EPHA3: variants seen among roughly 807,000 people sequenced by gnomAD.
EPHA3 encodes ephrin type-A receptor 3.
A neutral mutation model predicts 107.1 loss-of-function variants in EPHA3; 42 were observed. The observed-to-expected ratio is 0.39, with a 90% CI of 0.31 to 0.51. The LOEUF (loss-of-function observed/expected upper bound fraction) is 0.51. EPHA3 is among the 20% of genes least tolerant of loss of function. The probability of loss-of-function intolerance (pLI) is 0.78; values close to 1 mark genes in which losing one functional copy is unlikely to be tolerated. For missense variants in EPHA3, 1,183 were observed against 1,211.2 expected (o/e 0.98, Z 0.35); for synonymous variants, 461 against 424.8 (o/e 1.09, Z -1.05).
intron 2 of EPHA3, among the ~76,000 whole-genome samples, chr3:89,204,440 T>C (rs1173928978): frequency 1.3e-5 from 2 of 151,896 alleles, no homozygotes; most frequent in African/African-American, 4.8e-5. Flanking sequence ...TCTGTCTTCC[T>C]GACTCCTCGG....
intron 3 of EPHA3, among the ~76,000 whole-genome samples, chr3:89,316,505 AATATATATATAT>A (rs58576798): frequency 2.1e-4 from 22 of 104,134 alleles, no homozygotes; most frequent in Admixed American, 7.8e-4. Context: ...GTGTGTGTGT[AATATATATATAT>A]ATATATATAT....
intron 5 of EPHA3, among the ~76,000 whole-genome samples, chr3:89,351,344 A>T (rs1707813184): frequency 2.0e-5 from 3 of 151,250 alleles, no homozygotes; most frequent in Admixed American, 1.3e-4. Flanking sequence ...AGCCGGTCTG[A>T]AAAGCGCAAT....
chr3:89,224,810 C>G (rs1457011619), intron 3 of EPHA3, among the ~76,000 whole-genome samples: 1 of 151,852 alleles, frequency 6.6e-6, no homozygotes, highest in African/African-American at 2.4e-5. Context: ...GATCATGTCG[C>G]TGCACTCCAG....
At chr3:89,152,908 G>A (rs1704719588) in intron 2 of EPHA3, among the ~76,000 whole-genome samples, 2 of 151,916 alleles carry the variant, frequency 1.3e-5, no homozygotes. Flanking sequence ...AATCACCCAA[G>A]GCTCAGTTTG....
At chr3:89,125,023 A>G (rs1172093568) in intron 1 of EPHA3, among the ~76,000 whole-genome samples, 1 of 151,900 alleles carries the variant, frequency 6.6e-6, no homozygotes, top group Non-Finnish European at 1.5e-5. Context: ...GTAGTTCATT[A>G]GTTGACAACC....
chr3:89,119,160 A>G (rs940648260), intron 1 of EPHA3, among the ~76,000 whole-genome samples: 2 of 152,140 alleles, frequency 1.3e-5, no homozygotes, highest in African/African-American at 4.8e-5. Flanking sequence ...AATATTCAGA[A>G]ATAGTTCTTG....
intron 2 of EPHA3, among the ~76,000 whole-genome samples, chr3:89,131,716 T>C (rs1341862209): frequency 1.3e-5 from 2 of 152,148 alleles, no homozygotes; most frequent in Non-Finnish European, 2.9e-5. Flanking sequence ...ATGAGTAATA[T>C]ATGTTTGTGG....
At chr3:89,370,681 A>G (rs1271782278) in intron 5 of EPHA3, among the ~76,000 whole-genome samples, 2 of 151,726 alleles carry the variant, frequency 1.3e-5, no homozygotes, top group African/African-American at 4.8e-5. Context: ...ATAACAAAAT[A>G]CATTAGTTGT....
chr3:89,280,706 C>G (rs1333215410), intron 3 of EPHA3, among the ~76,000 whole-genome samples: 1 of 151,986 alleles, frequency 6.6e-6, no homozygotes, highest in Non-Finnish European at 1.5e-5. Flanking sequence ...CAAGGATGTA[C>G]CACCTAGGAA....
chr3:89,448,652 T>C (rs1257780909), intron 13 of EPHA3, among the ~76,000 whole-genome samples: 3 of 152,158 alleles, frequency 2.0e-5, no homozygotes, highest in African/African-American at 4.8e-5. Context: ...CAATGACTAA[T>C]GATGAAGCAC....
intron 2 of EPHA3, among the ~76,000 whole-genome samples, chr3:89,164,472 A>G (rs758336946): frequency 2.6e-5 from 4 of 152,158 alleles, no homozygotes; most frequent in Non-Finnish European, 4.4e-5. Flanking sequence ...TTCTTGGAAG[A>G]CATTTTTCAG....
At chr3:89,160,546 TTTTG>T (rs199506575) in intron 2 of EPHA3, among the ~76,000 whole-genome samples, 34,706 of 90,590 alleles carry the variant, frequency 0.38, 4,409 homozygotes, top group African/African-American at 0.4. Flanking sequence ...TAATATTAGA[TTTTG>T]TGTGTGTGTG....
At chr3:89,390,785 A>ATTTTTTTTTT (rs528841771) in intron 5 of EPHA3, among the ~76,000 whole-genome samples, 3 of 132,104 alleles carry the variant, frequency 2.3e-5, no homozygotes, top group Admixed American at 7.7e-5. Flanking sequence ...ATTGAAAAGC[A>ATTTTTTTTTT]TTTTTTTTTT....
At chr3:89,394,522 C>A (rs1294069148) in intron 5 of EPHA3, among the ~76,000 whole-genome samples, 6 of 152,188 alleles carry the variant, frequency 3.9e-5, no homozygotes, top group Admixed American at 2.0e-4. Context: ...GCAGTAGATT[C>A]TATTTTTTGG....
intron 3 of EPHA3, among the ~76,000 whole-genome samples, chr3:89,296,883 T>C (rs73846134): frequency 0.034 from 5,203 of 152,288 alleles, 300 homozygotes; most frequent in African/African-American, 0.12. Context: ...AGTTTTTCTA[T>C]CATCAGTACT....
At chr3:89,221,880 G>A (rs1331009135) in intron 3 of EPHA3, among the ~76,000 whole-genome samples, 1 of 152,132 alleles carries the variant, frequency 6.6e-6, no homozygotes, top group Non-Finnish European at 1.5e-5. Context: ...CTGCTGCCAA[G>A]GGGATGGTTG....
intron 1 of EPHA3, among the ~76,000 whole-genome samples, chr3:89,123,100 T>C (rs1172920945): frequency 6.6e-6 from 1 of 152,154 alleles, no homozygotes; most frequent in Non-Finnish European, 1.5e-5. Context: ...TTATTACCAA[T>C]TTGAGCCAAT....
intron 11 of EPHA3, among the ~76,000 whole-genome samples, chr3:89,425,190 T>G (rs1032602796): frequency 6.6e-6 from 1 of 151,228 alleles, no homozygotes; most frequent in African/African-American, 2.4e-5. Flanking sequence ...AATTTTATAA[T>G]GATTTAATAA....
intron 3 of EPHA3, among the ~76,000 whole-genome samples, chr3:89,333,597 G>C (rs539735832): frequency 6.6e-6 from 1 of 152,282 alleles, no homozygotes; most frequent in South Asian, 2.1e-4. Context: ...CTGCAGGCTG[G>C]GCAGGGTGGC....
Sources: allele counts gnomAD v4.1 joint callset (sites outside exome capture counted in the v4.1 genomes callset), GRCh38; gene constraint gnomAD v4.1.1; transcripts MANE v1.5; gene names NCBI Gene and HGNC (gene_info 2026-07-23, HGNC 2026-07-21).